Variants in BLMH observed in about 807,000 individuals in gnomAD.
BLMH encodes bleomycin hydrolase.
A neutral mutation model predicts 61.6 loss-of-function variants in BLMH; 32 were observed. That is an observed-to-expected ratio of 0.52 (90% CI 0.39 to 0.70). BLMH has a LOEUF of 0.70. Among genes scored for constraint, BLMH ranks in the 30% least tolerant of loss-of-function variants. The pLI, the probability that BLMH is intolerant of heterozygous loss-of-function variation, is 0.00. For synonymous variants in BLMH, 183 were observed against 193.8 expected, an observed-to-expected ratio of 0.94 and a Z score of 0.46; for missense variants, 460 against 555.5, an observed-to-expected ratio of 0.83 and a Z score of 1.73.
intron 2 of BLMH, among the ~76,000 whole-genome samples, chr17:30,289,968 ATATTAAACAC>A (rs1908839177): frequency 6.6e-6 from 1 of 152,174 alleles, no homozygotes; most frequent in African/African-American, 2.4e-5. Flanking sequence ...GTATCAATGC[ATATTAAACAC>A]TATTAAACAC....
intron 11 of BLMH, among the ~76,000 whole-genome samples, chr17:30,258,221 TAA>T (rs1227765031): frequency 4.2e-5 from 6 of 142,794 alleles, no homozygotes; most frequent in East Asian, 2.0e-4. Flanking sequence ...GTTGGATGTT[TAA>T]AAAAAAAAAA....
chr17:30,273,054 G>C, intron 7 of BLMH, 155 bp from the exon 8 acceptor site: 1 of 784,810 alleles, frequency 1.3e-6, no homozygotes, highest in South Asian at 1.9e-5. Context: ...GAAACACAAG[G>C]TGGCAAAATA....
At chr17:30,291,653 G>C in intron 1 of BLMH, 145 bp from the exon 2 acceptor site, 2 of 1,374,606 alleles carry the variant, frequency 1.5e-6, no homozygotes, top group East Asian at 2.5e-5. Context: ...CCTCCTCCAA[G>C]GAGCTGTCTC....
intron 6 of BLMH, among the ~76,000 whole-genome samples, chr17:30,282,202 G>A (rs1374648116): frequency 6.8e-6 from 1 of 146,106 alleles, no homozygotes; most frequent in Non-Finnish European, 1.5e-5. Context: ...GCTATGTTTT[G>A]CTTTTTAACA....
intron 11 of BLMH, among the ~76,000 whole-genome samples, chr17:30,266,174 C>T (rs1908100070): frequency 6.6e-6 from 1 of 152,070 alleles, no homozygotes; most frequent in Non-Finnish European, 1.5e-5. Flanking sequence ...AAGCTTCTTG[C>T]CAGTCCCATT....
intron 2 of BLMH, among the ~76,000 whole-genome samples, chr17:30,289,753 T>C (rs1361778846): frequency 6.6e-6 from 1 of 152,232 alleles, no homozygotes; most frequent in Non-Finnish European, 1.5e-5. Context: ...CAAATTGTAC[T>C]CTACTTCAAA....
At chr17:30,260,774 T>G (rs188151846) in intron 11 of BLMH, among the ~76,000 whole-genome samples, 256 of 152,094 alleles carry the variant, frequency 1.7e-3, no homozygotes, top group African/African-American at 5.2e-3. Context: ...TCCCAGCTAC[T>G]CAGGAGGCTG....
At chr17:30,273,065 C>A in intron 7 of BLMH, 166 bp from the exon 8 acceptor site, 1 of 688,674 alleles carries the variant, frequency 1.5e-6, no homozygotes, top group South Asian at 2.0e-5. Flanking sequence ...TGGCAAAATA[C>A]ATGTGAGAGA....
Position 30,251,760 on chromosome 17 carries a change from A to C in BLMH, c.1217-2592T>G, listed in dbSNP as rs145922562. Among the ~76,000 whole-genome samples, 834 of 152,366 alleles carry C rather than the reference A, an allele frequency of 5.5e-3. 11 individuals carry two copies. Among genetic ancestry groups the C allele is most frequent in the African/African-American group, 0.018 (761 of 41,584 alleles). On this transcript the variant is annotated intron_variant, in intron 11 of 11. Transcript: ENST00000261714. ...CTAGCAAGAGGGTCCCCTAGTGAGC[A>C]GTTCTCAAGCCTCTTGGCCTCAAGC... is the stretch of plus-strand genomic sequence containing the variant.
intron 11 of BLMH, among the ~76,000 whole-genome samples, chr17:30,265,740 G>C (rs748326106): frequency 6.6e-6 from 1 of 152,164 alleles, no homozygotes; most frequent in Non-Finnish European, 1.5e-5. Context: ...CTCTGAGAAA[G>C]AACTGGCTAT....
intron 11 of BLMH, among the ~76,000 whole-genome samples, chr17:30,265,213 A>C (rs571744902): frequency 6.6e-6 from 1 of 152,336 alleles, no homozygotes; most frequent in Admixed American, 6.5e-5. Context: ...AAAATCCACC[A>C]GTGATTATTC....
Position 30,285,372 on chromosome 17 carries a change from C to T in BLMH, c.645+16G>A, listed in dbSNP as rs753603009. 15 of 1,594,192 alleles carry T rather than the reference C, an allele frequency of 9.4e-6. No homozygotes were observed. The highest frequency in any genetic ancestry group is 1.2e-5 in the Non-Finnish European group (14 of 1,168,376). On this transcript the variant is annotated intron_variant, in intron 6 of 11. Transcript: ENST00000261714. ...TCCTTAGAGGGGTCACAAAAAAATC[C>T]AAATTTTGTTATTACCTCCTCCATC...
In BLMH at chr17:30,287,964, G is replaced by A. The variant is rs1908776174; in HGVS notation, c.322-17C>T. The stretch of plus-strand genomic sequence containing the variant: ...GCGTTCAACCTAAAGAGTAAAGAAA[G>A]TTAAATAACATTAAAAGAAAAAAGT... On this transcript the variant is annotated splice_polypyrimidine_tract_variant and intron_variant, in intron 3 of 11. Transcript: ENST00000261714. The A allele has an allele frequency of 1.9e-6, 3 of 1,597,280 alleles. No homozygotes were observed. Among genetic ancestry groups the A allele is most frequent in the Non-Finnish European group, 2.6e-6 (3 of 1,172,514 alleles).
chr17:30,256,246 C>T (rs1907811424), intron 11 of BLMH, among the ~76,000 whole-genome samples: 1 of 152,100 alleles, frequency 6.6e-6, no homozygotes. Context: ...ACAGTACACT[C>T]TATATTTTAT....
intron 6 of BLMH, among the ~76,000 whole-genome samples, chr17:30,284,848 T>C (rs565658490): frequency 6.6e-6 from 1 of 152,338 alleles, no homozygotes; most frequent in African/African-American, 2.4e-5. Context: ...GAAGGTTCTA[T>C]CTTTGTTTAT....
At position 30,271,301 on chromosome 17, in the gene BLMH, G is replaced by A. The variant is rs761695616; in HGVS notation, c.1116C>T (p.His372=). Residue 372 remains histidine, a synonymous_variant, in exon 10 of 12, where the codon CAC becomes CAT. Coordinates refer to ENST00000261714, the MANE Select transcript of BLMH (RefSeq NM_000386.4). ...CTGAGACAGCAGTGAAGGTCATGGCGTGGGTCATAAGTGACTCACCAAAAG... is the reference window on the plus strand; with the variant it reads ...CTGAGACAGCAGTGAAGGTCATGGCATGGGTCATAAGTGACTCACCAAAAG... ...RLTFGESLMT[H]AMTFTAVSEK... is the part of the protein sequence containing the mutation. 6.8e-6 allele frequency: 11 copies of A among 1,613,860 alleles called. 1 individual carries two copies. The highest frequency in any genetic ancestry group is 4.5e-5 in the East Asian group (2 of 44,902).
intron 11 of BLMH, 69 bp downstream of exon 11, chr17:30,266,816 T>C (rs1908124209): frequency 7.1e-7 from 1 of 1,406,004 alleles, no homozygotes; most frequent in Admixed American, 1.7e-5. Context: ...CTAGAGCAGC[T>C]TGACACCCAG....
At chr17:30,272,386 G>A (rs2143021938) in intron 9 of BLMH, 175 bp downstream of exon 9, 1 of 712,274 alleles carries the variant, frequency 1.4e-6, no homozygotes, top group East Asian at 2.5e-5. Context: ...GAGTGTTTAA[G>A]TATGTGGAGT....
chr17:30,254,884 GAC>G (rs1448340056), intron 11 of BLMH, among the ~76,000 whole-genome samples: 2 of 152,126 alleles, frequency 1.3e-5, no homozygotes, highest in Non-Finnish European at 2.9e-5. Flanking sequence ...ATAAAAATGA[GAC>G]ATCATACATG....
Sources: gnomAD v4.1 joint callset for allele counts (sites outside exome capture counted in the v4.1 genomes callset) on GRCh38, gnomAD v4.1.1 for gene constraint, MANE v1.5 for transcripts, NCBI Gene and HGNC (gene_info 2026-07-23, HGNC 2026-07-21) for gene names.